ADSS1: variants seen among roughly 807,000 people sequenced by gnomAD.
The protein encoded by ADSS1 is adenylosuccinate synthase 1, also known as adenylosuccinate synthetase isozyme 1.
A neutral mutation model predicts 59.1 loss-of-function variants in ADSS1; 57 were observed. The observed-to-expected ratio is 0.97, with a 90% CI of 0.78 to 1.20. The LOEUF is 1.20. ADSS1 is among the 50% of genes most tolerant of loss of function. The pLI, the probability that ADSS1 is intolerant of heterozygous loss-of-function variation, is 0.00. For synonymous variants in ADSS1, 247 were observed against 249.4 expected, an observed-to-expected ratio of 0.99 and a Z score of 0.09; for missense variants, 603 against 610.3, an observed-to-expected ratio of 0.99 and a Z score of 0.13.
At chr14:104,735,290 G>A (rs528035794) in intron 2 of ADSS1, among the ~76,000 whole-genome samples, 168 bp downstream of exon 2, 1 of 152,340 alleles carries the variant, frequency 6.6e-6, no homozygotes, top group Admixed American at 6.5e-5. Context: ...ACAGAAACCT[G>A]CATAGCCCGG....
chr14:104,741,817 G>A, intron 8 of ADSS1, 31 bp from the exon 9 acceptor site: 2 of 1,610,128 alleles, frequency 1.2e-6, no homozygotes, highest in Non-Finnish European at 1.7e-6. Context: ...GGGGGTGACA[G>A]GTAGCCCCCT....
At position 104,742,001 on chromosome 14, in the gene ADSS1, A is replaced by C; in HGVS notation, c.947A>C (p.Asn316Thr). The change falls in exon 9 of 13, where the codon AAC becomes ACC. Residue 316 changes from asparagine to threonine, a missense_variant and splice_region_variant. Asn to Thr is a moderately conservative substitution (Grantham distance 65). Transcript: ENST00000330877. ...GGGGCCTTCCCCACCGAGCAGATCA[A>C]CGTGAGTCCCCAGCCCCTCGGGACC... ...GIGAFPTEQI[N>T]EIGGLLQTRG... 1 of 1,612,708 alleles carries C rather than the reference A, an allele frequency of 6.2e-7. No homozygotes were observed. Among genetic ancestry groups the C allele is most frequent in the Non-Finnish European group, 8.5e-7 (1 of 1,179,834 alleles).
chr14:104,736,533 G>C (rs1410070353), intron 2 of ADSS1, among the ~76,000 whole-genome samples: 3 of 152,152 alleles, frequency 2.0e-5, no homozygotes, highest in African/African-American at 2.4e-5. Context: ...ACCATGGCTT[G>C]CGTCGTCTCC....
At chr14:104,730,468 C>G (rs948967941) in intron 1 of ADSS1, among the ~76,000 whole-genome samples, 1 of 151,976 alleles carries the variant, frequency 6.6e-6, no homozygotes, top group African/African-American at 2.4e-5. Context: ...CCAACCTGGG[C>G]GACAGAGTGA....
At position 104,730,212 on chromosome 14, in the gene ADSS1, G is replaced by A. The variant is rs887997881; in HGVS notation, c.193-4808G>A. On this transcript the variant is annotated intron_variant, in intron 1 of 12. Transcript: ENST00000330877. ...GGATCCTTAACACCTGGAGGGGAGC[G>A]GGTGGGTGCGGTGGCGTACATCTGT... is the stretch of plus-strand genomic sequence containing the variant. The A allele has an allele frequency of 3.2e-5, 49 of 1,508,276 alleles. No homozygotes were observed. The highest frequency in any genetic ancestry group is 4.2e-5 in the Non-Finnish European group (47 of 1,120,224). 93.4% of individuals were successfully genotyped at this position (1,508,276 alleles called of 1,614,324 possible).
chr14:104,744,167 C>T (rs1013113319), intron 10 of ADSS1, among the ~76,000 whole-genome samples: 13 of 151,906 alleles, frequency 8.6e-5, no homozygotes, highest in African/African-American at 2.9e-4. Context: ...GCCCTAAACA[C>T]GGCTGTGCTG....
At chr14:104,731,448 A>C (rs1478204922) in intron 1 of ADSS1, among the ~76,000 whole-genome samples, 1 of 152,224 alleles carries the variant, frequency 6.6e-6, no homozygotes, top group Non-Finnish European at 1.5e-5. Context: ...TCCTAGGAGC[A>C]GCAGGGCTGG....
Position 104,734,740 on chromosome 14 carries a change from C to T in ADSS1, c.193-280C>T, listed in dbSNP as rs527842944. Among the ~76,000 whole-genome samples the T allele has an allele frequency of 2.2e-4, 34 of 152,332 alleles. No homozygotes were observed. In the East Asian group the frequency reaches 4.4e-3, roughly 20 times the overall value. On this transcript the variant is annotated intron_variant, in intron 1 of 12. Coordinates refer to ENST00000330877, the MANE Select transcript of ADSS1 (RefSeq NM_152328.5). ...GCGAGCTCCAGAGCGGGGCCCGCAG[C>T]TGCAGAGACCTGCACCAAGCCACCT...
At chr14:104,730,264 C>G in intron 1 of ADSS1, 5 of 1,438,946 alleles carry the variant, frequency 3.5e-6, no homozygotes, top group Non-Finnish European at 4.6e-6. Context: ...GAGGCCGAGG[C>G]GAGCGGATCA....
At chr14:104,726,405 G>C (rs1258355601) in intron 1 of ADSS1, among the ~76,000 whole-genome samples, 1 of 152,244 alleles carries the variant, frequency 6.6e-6, no homozygotes. Flanking sequence ...CGCTCTGCAA[G>C]GGAAGGTCAG....
At chr14:104,730,459 C>T (rs141316041) in intron 1 of ADSS1, among the ~76,000 whole-genome samples, 8,725 of 152,142 alleles carry the variant, frequency 0.057, 297 homozygotes, top group Non-Finnish European at 0.071. Context: ...CATTGCACTC[C>T]AACCTGGGCG....
chr14:104,730,958 T>TGTG (rs1555377495), intron 1 of ADSS1, among the ~76,000 whole-genome samples: 8 of 32,090 alleles, frequency 2.5e-4, no homozygotes, highest in African/African-American at 7.1e-4. Flanking sequence ...AGGCAGAGAG[T>TGTG]GGGGGGGGGG....
chr14:104,741,544 A>G (rs1891355737), intron 8 of ADSS1, among the ~76,000 whole-genome samples: 1 of 152,118 alleles, frequency 6.6e-6, no homozygotes. Flanking sequence ...GTACAGCCAT[A>G]TCCCGTCCTC....
Position 104,741,243 on chromosome 14 carries a change from G to T in ADSS1, c.793G>T (p.Gly265Trp), listed in dbSNP as rs145665881. ...CGCCGCCCTCCTCGACATTGACTTC[G>T]GTATGTCCGGGAGGGTGTGCGTGCC... is the stretch of plus-strand genomic sequence containing the variant. ...ANAALLDIDFGTYPFVTSSNC... is the reference protein window; with the variant it reads ...ANAALLDIDFWTYPFVTSSNC... Residue 265 changes from glycine to tryptophan, a missense_variant and splice_region_variant, in exon 8 of 13, where the codon GGG becomes TGG. Transcript: ENST00000330877. 3.8e-6 allele frequency: 6 copies of T among 1,587,948 alleles called. No homozygotes were observed. The Admixed American group carries it at 1.1e-4, about 28-fold the overall frequency.
chr14:104,734,294 G>A (rs891564841), intron 1 of ADSS1, among the ~76,000 whole-genome samples: 1 of 152,226 alleles, frequency 6.6e-6, no homozygotes, highest in African/African-American at 2.4e-5. Context: ...GCAGAGCCAA[G>A]CAAAAGGCAG....
chr14:104,733,993 G>A (rs902844948), intron 1 of ADSS1, among the ~76,000 whole-genome samples: 8 of 152,214 alleles, frequency 5.3e-5, no homozygotes, highest in Admixed American at 3.9e-4. Flanking sequence ...CTGTCACACT[G>A]GGCCTACAGG....
At chr14:104,728,291 C>T (rs1733667359) in intron 1 of ADSS1, among the ~76,000 whole-genome samples, 1 of 152,122 alleles carries the variant, frequency 6.6e-6, no homozygotes, top group Admixed American at 6.5e-5. Context: ...CTTCCCCCTA[C>T]CCCACCTCTG....
At chr14:104,724,928 G>A (rs1890676843) in intron 1 of ADSS1, among the ~76,000 whole-genome samples, 1 of 152,212 alleles carries the variant, frequency 6.6e-6, no homozygotes, top group Non-Finnish European at 1.5e-5. Context: ...AAGGTCTGCA[G>A]GTGGTGGAGG....
chr14:104,744,473 G>T (rs1215641494), intron 10 of ADSS1: 1 of 225,336 alleles, frequency 4.4e-6, no homozygotes, highest in African/African-American at 2.3e-5. Flanking sequence ...GCGGCGGATG[G>T]TTTCGGGATG....
Sources: gnomAD v4.1 joint callset for allele counts (sites outside exome capture counted in the v4.1 genomes callset) on GRCh38, gnomAD v4.1.1 for gene constraint, MANE v1.5 for transcripts, NCBI Gene and HGNC (gene_info 2026-07-23, HGNC 2026-07-21) for gene names.